ADAMTS12: variants seen among roughly 807,000 people sequenced by gnomAD.
ADAMTS12 encodes the protein A disintegrin and metalloproteinase with thrombospondin motifs 12.
Under a neutral mutation model 167.8 loss-of-function variants are expected in ADAMTS12, and 118 were observed. That is an observed-to-expected ratio of 0.70 (90% CI 0.61 to 0.82). ADAMTS12 has a LOEUF of 0.82. Ranked by LOEUF, ADAMTS12 falls within the 40% of genes least tolerant of loss-of-function variation. ADAMTS12 has a pLI of 0.00. For missense variants in ADAMTS12, 1,916 were observed against 1,998.8 expected (o/e 0.96, Z 0.79); for synonymous variants, 704 against 716.9 (o/e 0.98, Z 0.29).
In ADAMTS12 at chr5:33,794,441, G is replaced by A. The variant is rs143060567; in HGVS notation, c.490-42893C>T. Reference sequence around the variant, plus strand: ...CAAGCAGGCAAGATGGTGCTGAGCCGGTGAGCGGAAAGCCAGCTGCATGCC... The same window carrying A: ...CAAGCAGGCAAGATGGTGCTGAGCCAGTGAGCGGAAAGCCAGCTGCATGCC... On this transcript the variant is annotated intron_variant, in intron 2 of 23. Transcript: ENST00000504830. Among the ~76,000 whole-genome samples the A allele has an allele frequency of 7.8e-3, 1,185 of 152,262 alleles. 16 individuals carry two copies. The highest frequency in any genetic ancestry group is 0.027 in the African/African-American group (1,133 of 41,536).
intron 16 of ADAMTS12, among the ~76,000 whole-genome samples, chr5:33,601,828 A>G (rs1304628519): frequency 6.6e-6 from 1 of 152,224 alleles, no homozygotes; most frequent in African/African-American, 2.4e-5. Flanking sequence ...TCATAAGTTG[A>G]CTGTCATGAT....
chr5:33,680,512 CTT>C (rs5867204), intron 5 of ADAMTS12, among the ~76,000 whole-genome samples: 1 of 149,834 alleles, frequency 6.7e-6, no homozygotes, highest in Non-Finnish European at 1.5e-5. Context: ...CTTTCTTCTT[CTT>C]TTTTTTTGGT....
At chr5:33,560,983 C>G in intron 20 of ADAMTS12, 44 bp downstream of exon 20, 4 of 1,607,646 alleles carry the variant, frequency 2.5e-6, no homozygotes, top group Non-Finnish European at 3.4e-6. Flanking sequence ...CAACCCATCC[C>G]CACCTTCTCT....
At chr5:33,530,835 G>GC (rs1744059676) in intron 23 of ADAMTS12, among the ~76,000 whole-genome samples, 2 of 152,164 alleles carry the variant, frequency 1.3e-5, no homozygotes, top group African/African-American at 2.4e-5. Context: ...CCTCTAGGAG[G>GC]CCCCCCAAAG....
chr5:33,566,592 T>A (rs907558974), intron 19 of ADAMTS12, among the ~76,000 whole-genome samples: 4 of 152,226 alleles, frequency 2.6e-5, no homozygotes, highest in African/African-American at 9.6e-5. Context: ...TCCCTCTTCA[T>A]CCTGAATATT....
intron 5 of ADAMTS12, among the ~76,000 whole-genome samples, chr5:33,663,150 G>T (rs1298533725): frequency 6.6e-6 from 1 of 152,224 alleles, no homozygotes; most frequent in Non-Finnish European, 1.5e-5. Context: ...GGCTCATCAC[G>T]TGCTAAAAGT....
Position 33,689,809 on chromosome 5 carries a change from T to C in ADAMTS12, c.635-5754A>G, listed in dbSNP as rs150677165. Among the ~76,000 whole-genome samples, 657 of 152,332 alleles carry C rather than the reference T, an allele frequency of 4.3e-3. 5 individuals are homozygous for C. Among genetic ancestry groups the C allele is most frequent in the African/African-American group, 0.015 (620 of 41,580 alleles). ...TCCCCTGTCTAATGAAGAAACTGAA[T>C]TGAATTCCTATTTTTTTAAGGGTCA... On this transcript the variant is annotated intron_variant, in intron 3 of 23. Transcript: ENST00000504830.
At position 33,658,306 on chromosome 5, in the gene ADAMTS12, G is replaced by T. The variant is rs546876201; in HGVS notation, c.1068C>A (p.Arg356=). The change falls in exon 7 of 24, where the codon CGC becomes CGA. Residue 356 remains arginine, a synonymous_variant. Transcript: ENST00000504830. The part of the protein sequence containing the change: ...TRKDICAGFN[R]PCETLGLSHL... ...GAGACAGGCCCAGGGTCTCGCAGGG[G>T]CGATTGAAACCAGCACAGATGTCCT... The T allele has an allele frequency of 3.1e-6, 5 of 1,613,678 alleles. No individual in the cohort carries two copies. In the East Asian group the frequency reaches 1.1e-4, roughly 36 times the overall value.
At chr5:33,687,949 C>T (rs188150891) in intron 3 of ADAMTS12, among the ~76,000 whole-genome samples, 8 of 152,230 alleles carry the variant, frequency 5.3e-5, no homozygotes, top group Admixed American at 5.2e-4. Context: ...TTTAGAGACC[C>T]CTCTTCTCAG....
chr5:33,738,727 G>A (rs1019899661), intron 3 of ADAMTS12, among the ~76,000 whole-genome samples: 1 of 152,214 alleles, frequency 6.6e-6, no homozygotes, highest in Non-Finnish European at 1.5e-5. Context: ...GAGGAAGGAC[G>A]GAGCCAGTCC....
At chr5:33,773,539 A>C (rs1353969345) in intron 2 of ADAMTS12, among the ~76,000 whole-genome samples, 2 of 152,168 alleles carry the variant, frequency 1.3e-5, no homozygotes, top group Non-Finnish European at 2.9e-5. Flanking sequence ...CAGGATGACA[A>C]ACTAGGGTCT....
At chr5:33,627,057 A>G (rs1739679604) in intron 13 of ADAMTS12, among the ~76,000 whole-genome samples, 5 of 114,958 alleles carry the variant, frequency 4.3e-5, no homozygotes, top group African/African-American at 1.0e-4. Context: ...GTGATGTGGT[A>G]ATGGTGGTGG....
chr5:33,732,411 A>T (rs748295331), intron 3 of ADAMTS12, among the ~76,000 whole-genome samples: 3 of 152,208 alleles, frequency 2.0e-5, no homozygotes, highest in Admixed American at 6.5e-5. Context: ...AAATATGACA[A>T]AGATGTTACA....
chr5:33,862,402 A>T (rs1385416862), intron 2 of ADAMTS12, among the ~76,000 whole-genome samples: 4 of 131,946 alleles, frequency 3.0e-5, no homozygotes, highest in Admixed American at 1.5e-4. Context: ...ACCATCAGAG[A>T]ATACCATAAA....
chr5:33,596,196 A>G, intron 16 of ADAMTS12, 136 bp from the exon 17 acceptor site: 1 of 1,106,316 alleles, frequency 9.0e-7, no homozygotes, highest in Non-Finnish European at 1.3e-6. Flanking sequence ...TTGGTTTTAA[A>G]GGAGGGATGA....
At chr5:33,704,707 G>C (rs998267716) in intron 3 of ADAMTS12, among the ~76,000 whole-genome samples, 2 of 152,166 alleles carry the variant, frequency 1.3e-5, no homozygotes, top group Admixed American at 6.6e-5. Flanking sequence ...ATGTGCTATT[G>C]AGTTGTAGGG....
At chr5:33,775,190 A>C (rs1195466219) in intron 2 of ADAMTS12, among the ~76,000 whole-genome samples, 1 of 152,196 alleles carries the variant, frequency 6.6e-6, no homozygotes, top group Non-Finnish European at 1.5e-5. Flanking sequence ...CCATCAATAG[A>C]GACGTTCACC....
At chr5:33,679,414 T>G (rs1044021043) in intron 5 of ADAMTS12, among the ~76,000 whole-genome samples, 7 of 151,782 alleles carry the variant, frequency 4.6e-5, no homozygotes, top group African/African-American at 1.7e-4. Flanking sequence ...TGGTGGAAGG[T>G]GAAGGGGAAG....
intron 16 of ADAMTS12, among the ~76,000 whole-genome samples, chr5:33,610,611 T>C (rs925050515): frequency 5.3e-5 from 8 of 152,178 alleles, no homozygotes; most frequent in Non-Finnish European, 1.2e-4. Flanking sequence ...CATTTTACTT[T>C]TAGGTAGACA....
Sources: gnomAD v4.1 joint callset for allele counts (sites outside exome capture counted in the v4.1 genomes callset) on GRCh38, gnomAD v4.1.1 for gene constraint, MANE v1.5 for transcripts, NCBI Gene and HGNC (gene_info 2026-07-23, HGNC 2026-07-21) for gene names.